ATF7IP: variants seen among roughly 807,000 people sequenced by gnomAD.
ATF7IP encodes activating transcription factor 7-interacting protein 1.
Under a neutral mutation model 106.4 loss-of-function variants are expected in ATF7IP, and 23 were observed. The ratio of observed to expected loss-of-function variants is 0.22; its 90% CI spans 0.16 to 0.31. The LOEUF is 0.31. Among genes scored for constraint, ATF7IP ranks in the 10% least tolerant of loss-of-function variants. The probability of loss-of-function intolerance (pLI) is 1.00; values close to 1 mark genes in which losing one functional copy is unlikely to be tolerated. For missense variants in ATF7IP, 1,334 were observed against 1,524.3 expected (o/e 0.88, Z 2.08); for synonymous variants, 542 against 539.0 (o/e 1.01, Z -0.08).
intron 6 of ATF7IP, among the ~76,000 whole-genome samples, chr12:14,450,537 T>C (rs1204145931): frequency 6.6e-6 from 1 of 152,222 alleles, no homozygotes; most frequent in African/African-American, 2.4e-5. Flanking sequence ...GTATAATCTT[T>C]TTACATGCTG....
In ATF7IP at chr12:14,497,683, C is replaced by G; in HGVS notation, c.3423C>G (p.Pro1141=). 2 of 1,614,114 alleles carry G rather than the reference C, an allele frequency of 1.2e-6. No homozygotes were observed. The highest frequency in any genetic ancestry group is 8.5e-7 in the Non-Finnish European group (1 of 1,179,994). The change falls in exon 15 of 15, where the codon CCC becomes CCG. Residue 1141 remains proline, a synonymous_variant. Coordinates refer to ENST00000261168, the MANE Select transcript of ATF7IP (RefSeq NM_018179.5). ...CCCCACGCCCCGTGCACCCAGCACC[C>G]TTACCAGAAGCTCCACAACCACAGC... ...TEPPRPVHPA[P]LPEAPQPQRL...
rs563476863 is a variant in ATF7IP at position 14,422,248 on chromosome 12, G to A, written c.-7-1661G>A. Among the ~76,000 whole-genome samples, 57 of 148,440 alleles carry A rather than the reference G, an allele frequency of 3.8e-4. No individual in the cohort carries two copies. The South Asian group carries it at 5.0e-3, about 13-fold the overall frequency. ...ACCAAGAAATATCAGCCAAGTAAAG[G>A]TTCATACTTTAATAAGTGAATAGAA... On this transcript the variant is annotated intron_variant, in intron 1 of 14. Transcript: ENST00000261168.
intron 1 of ATF7IP, among the ~76,000 whole-genome samples, chr12:14,367,801 T>G (rs1938368638): frequency 6.6e-6 from 1 of 152,080 alleles, no homozygotes; most frequent in Non-Finnish European, 1.5e-5. Context: ...TCATGTAAAC[T>G]TAATAAGATT....
At chr12:14,433,379 C>A (rs1447021433) in intron 2 of ATF7IP, among the ~76,000 whole-genome samples, 1 of 152,130 alleles carries the variant, frequency 6.6e-6, no homozygotes, top group Non-Finnish European at 1.5e-5. Context: ...GTGGCAGGTG[C>A]CTGTAGTCCC....
At chr12:14,374,686 A>T (rs1938663260) in intron 1 of ATF7IP, among the ~76,000 whole-genome samples, 2 of 152,136 alleles carry the variant, frequency 1.3e-5, no homozygotes, top group African/African-American at 4.8e-5. Context: ...GTATGTTCAA[A>T]ATCTTAGAGC....
chr12:14,423,629 C>A, intron 1 of ATF7IP: 1 of 121,272 alleles, frequency 8.2e-6, no homozygotes, highest in Non-Finnish European at 1.5e-5. Context: ...GCTTAAACAT[C>A]TCCATACTCT....
chr12:14,482,161 C>G (rs748378932), intron 13 of ATF7IP: 1 of 152,176 alleles, frequency 6.6e-6, no homozygotes, highest in Non-Finnish European at 1.5e-5. Context: ...GACTACATCC[C>G]TTTTCCTTTC....
intron 2 of ATF7IP, among the ~76,000 whole-genome samples, chr12:14,426,651 A>AC (rs1024749809): frequency 2.5e-4 from 37 of 149,812 alleles, no homozygotes; most frequent in Middle Eastern, 3.4e-3. Flanking sequence ...ACATGGTGAG[A>AC]CCCCGTCTCT....
intron 1 of ATF7IP, 70 bp from the exon 2 acceptor site, chr12:14,423,839 T>A (rs968994905): frequency 6.8e-7 from 1 of 1,480,070 alleles, no homozygotes; most frequent in Admixed American, 2.4e-5. Flanking sequence ...CTAAGATCAA[T>A]TTGTATTAAG....
intron 13 of ATF7IP, among the ~76,000 whole-genome samples, chr12:14,494,333 A>ATATATATATGTG (rs1234871100): frequency 2.7e-4 from 23 of 86,008 alleles, no homozygotes; most frequent in East Asian, 4.0e-4. Flanking sequence ...ATATATATAT[A>ATATATATATGTG]TGTGTGTGTG....
chr12:14,383,808 C>G (rs73304250), intron 1 of ATF7IP, among the ~76,000 whole-genome samples: 2 of 152,168 alleles, frequency 1.3e-5, no homozygotes, highest in African/African-American at 2.4e-5. Flanking sequence ...GAGAGCCTTC[C>G]GCCTTGGCCT....
intron 1 of ATF7IP, among the ~76,000 whole-genome samples, chr12:14,386,182 T>A (rs1939229726): frequency 6.6e-6 from 1 of 152,140 alleles, no homozygotes; most frequent in African/African-American, 2.4e-5. Context: ...CTGTAGTATA[T>A]TTAAAAGAAA....
intron 1 of ATF7IP, among the ~76,000 whole-genome samples, chr12:14,422,547 A>G (rs1334432293): frequency 6.6e-6 from 1 of 151,988 alleles, no homozygotes; most frequent in East Asian, 1.9e-4. Context: ...TTTAGCAGCT[A>G]CTCCTCATTT....
intron 6 of ATF7IP, among the ~76,000 whole-genome samples, chr12:14,453,805 A>G (rs1943304376): frequency 1.3e-5 from 2 of 152,014 alleles, no homozygotes; most frequent in Non-Finnish European, 1.5e-5. Context: ...TTGTATGTTT[A>G]GTAGATACAA....
intron 1 of ATF7IP, among the ~76,000 whole-genome samples, chr12:14,378,796 G>A (rs1312584565): frequency 6.6e-6 from 1 of 152,196 alleles, no homozygotes; most frequent in Non-Finnish European, 1.5e-5. Flanking sequence ...CAGGATGCCT[G>A]CATCCATGAG....
intron 13 of ATF7IP, among the ~76,000 whole-genome samples, chr12:14,489,431 C>G (rs1050263607): frequency 6.6e-6 from 1 of 152,126 alleles, no homozygotes; most frequent in South Asian, 2.1e-4. Flanking sequence ...CCCTCTGGAA[C>G]TAAGACCTCT....
intron 10 of ATF7IP, among the ~76,000 whole-genome samples, chr12:14,467,769 C>A (rs138226941): frequency 3.5e-4 from 53 of 151,650 alleles, no homozygotes; most frequent in African/African-American, 1.3e-3. Context: ...TCTTCTAGAG[C>A]TGTGCTATCT....
At chr12:14,383,720 GT>G (rs1437955206) in intron 1 of ATF7IP, among the ~76,000 whole-genome samples, 3 of 152,002 alleles carry the variant, frequency 2.0e-5, no homozygotes, top group Admixed American at 6.6e-5. Context: ...ACCTGCTAAT[GT>G]TTTAAAAATT....
At chr12:14,451,533 T>C (rs1336390766) in intron 6 of ATF7IP, among the ~76,000 whole-genome samples, 1 of 152,156 alleles carries the variant, frequency 6.6e-6, no homozygotes, top group Non-Finnish European at 1.5e-5. Flanking sequence ...TACCACTGTT[T>C]TCACTGCATA....
Sources: allele counts gnomAD v4.1 joint callset (sites outside exome capture counted in the v4.1 genomes callset), GRCh38; gene constraint gnomAD v4.1.1; transcripts MANE v1.5; gene names NCBI Gene and HGNC (gene_info 2026-07-23, HGNC 2026-07-21).